The following CNTNAP5 variants were observed in gnomAD, a reference collection of about 807,000 sequenced individuals.
The protein encoded by CNTNAP5 is contactin-associated protein-like 5.
In CNTNAP5, 72 loss-of-function variants were observed where a neutral mutation model predicts 150.2. The observed-to-expected ratio is 0.48, with a 90% CI of 0.40 to 0.58. The LOEUF (loss-of-function observed/expected upper bound fraction) is 0.58, where lower values mean the gene tolerates loss of function less well. Among genes scored for constraint, CNTNAP5 ranks in the 20% least tolerant of loss-of-function variants. CNTNAP5 has a pLI of 0.00. For missense variants in CNTNAP5, 1,636 were observed against 1,626.2 expected (o/e 1.01, Z -0.10); for synonymous variants, 672 against 619.8 (o/e 1.08, Z -1.25).
Position 124,647,957 on chromosome 2 carries a change from G to C in CNTNAP5, c.2076G>C (p.Pro692=), listed in dbSNP as rs767269123. The stretch of plus-strand genomic sequence containing the variant: ...GGAGGTCCCGCCTGCTCAACACGCC[G>C]GGTAAGGCCTCTGCATGCATGACCA... ...HCRRSRLLNT[P]DGTPFTWWIG... Residue 692 remains proline (P), a splice_region_variant and synonymous_variant, in exon 13 of 24, where the codon CCG becomes CCC. Coordinates refer to ENST00000682447, the MANE Select transcript of CNTNAP5 (RefSeq NM_001367498.1). 1 of 1,593,700 alleles carries C rather than the reference G, an allele frequency of 6.3e-7. No homozygotes were observed. The highest frequency in any genetic ancestry group is 1.1e-5 in the South Asian group (1 of 88,118).
chr2:124,838,565 TTCCTAACTTACTATAAAGC>T (rs1373226574), intron 19 of CNTNAP5, among the ~76,000 whole-genome samples: 8 of 152,184 alleles, frequency 5.3e-5, no homozygotes, highest in Admixed American at 2.0e-4. Flanking sequence ...GAAGGCAACA[TTCCTAACTTACTATAAAGC>T]AATGTCTTAT....
chr2:124,088,450 A>G (rs1009856427), intron 1 of CNTNAP5, among the ~76,000 whole-genome samples: 1 of 151,642 alleles, frequency 6.6e-6, no homozygotes, highest in Non-Finnish European at 1.5e-5. Context: ...GTATGCATTT[A>G]TTGTTTTTGT....
At chr2:124,398,131 A>G (rs147897446) in intron 3 of CNTNAP5, among the ~76,000 whole-genome samples, 2 of 152,318 alleles carry the variant, frequency 1.3e-5, no homozygotes, top group African/African-American at 4.8e-5. Context: ...TCTGTATACT[A>G]TAGTTTGTGC....
intron 3 of CNTNAP5, among the ~76,000 whole-genome samples, chr2:124,311,205 C>G (rs1337547781): frequency 6.6e-6 from 1 of 152,000 alleles, no homozygotes; most frequent in Non-Finnish European, 1.5e-5. Flanking sequence ...TGTATTAATC[C>G]ACTAGGATTG....
At chr2:124,616,602 C>G (rs888088346) in intron 12 of CNTNAP5, among the ~76,000 whole-genome samples, 15 of 152,288 alleles carry the variant, frequency 9.8e-5, no homozygotes, top group African/African-American at 3.6e-4. Context: ...AGAACTTTTC[C>G]TTTGCATTCA....
intron 1 of CNTNAP5, among the ~76,000 whole-genome samples, chr2:124,122,142 A>T (rs1310527445): frequency 6.6e-6 from 1 of 152,126 alleles, no homozygotes; most frequent in Non-Finnish European, 1.5e-5. Context: ...TCTTCCTGCC[A>T]CCATTTTCTC....
intron 1 of CNTNAP5, among the ~76,000 whole-genome samples, chr2:124,096,275 T>G (rs1421280514): frequency 6.6e-6 from 1 of 152,186 alleles, no homozygotes; most frequent in African/African-American, 2.4e-5. Context: ...TTTTCATATT[T>G]TATATCTATT....
chr2:124,419,376 G>T (rs898402806), intron 4 of CNTNAP5, among the ~76,000 whole-genome samples: 9 of 152,134 alleles, frequency 5.9e-5, no homozygotes, highest in African/African-American at 2.2e-4. Flanking sequence ...ATCACAGGCT[G>T]CAGGGTTGAA....
intron 20 of CNTNAP5, among the ~76,000 whole-genome samples, chr2:124,869,024 A>G (rs1273809347): frequency 6.6e-6 from 1 of 152,046 alleles, no homozygotes; most frequent in East Asian, 1.9e-4. Flanking sequence ...GTAAGGAGGG[A>G]TCTCTAAAGG....
intron 1 of CNTNAP5, among the ~76,000 whole-genome samples, chr2:124,178,802 T>C (rs1057365059): frequency 1.3e-5 from 2 of 152,138 alleles, no homozygotes; most frequent in African/African-American, 4.8e-5. Context: ...GAACTCTAGA[T>C]AGTGTGCTCA....
intron 3 of CNTNAP5, among the ~76,000 whole-genome samples, chr2:124,295,791 G>A (rs1415503154): frequency 6.6e-6 from 1 of 152,072 alleles, no homozygotes; most frequent in Non-Finnish European, 1.5e-5. Flanking sequence ...CCAGAACTGA[G>A]GGTTCCTCCC....
At chr2:124,150,019 C>T (rs992757651) in intron 1 of CNTNAP5, among the ~76,000 whole-genome samples, 5 of 152,094 alleles carry the variant, frequency 3.3e-5, no homozygotes, top group African/African-American at 4.8e-5. Flanking sequence ...CTCTGCTTTA[C>T]TCAAAAAAAT....
intron 13 of CNTNAP5, among the ~76,000 whole-genome samples, chr2:124,666,644 A>C (rs1338868395): frequency 2.0e-5 from 3 of 151,964 alleles, no homozygotes; most frequent in Non-Finnish European, 4.4e-5. Flanking sequence ...AGGGGATCTT[A>C]GGGTTTTATT....
chr2:124,485,571 C>T (rs1693853278), intron 7 of CNTNAP5, among the ~76,000 whole-genome samples: 1 of 142,154 alleles, frequency 7.0e-6, no homozygotes. Context: ...CGAGATCACG[C>T]CACTGCACTC....
At chr2:124,591,234 C>G (rs898052508) in intron 11 of CNTNAP5, among the ~76,000 whole-genome samples, 20 of 152,004 alleles carry the variant, frequency 1.3e-4, no homozygotes, top group African/African-American at 4.8e-4. Context: ...TTTGCTTTTC[C>G]TTCACACTCC....
At chr2:124,176,275 G>A (rs966384812) in intron 1 of CNTNAP5, among the ~76,000 whole-genome samples, 1 of 152,132 alleles carries the variant, frequency 6.6e-6, no homozygotes, top group African/African-American at 2.4e-5. Context: ...TCTCATTCTG[G>A]GGGAACATGA....
At chr2:124,025,867 G>A in intron 1 of CNTNAP5, 135 bp downstream of exon 1, 1 of 759,960 alleles carries the variant, frequency 1.3e-6, no homozygotes, top group Non-Finnish European at 2.3e-6. Context: ...GATCAGTGTG[G>A]TTCCATCACT....
intron 3 of CNTNAP5, among the ~76,000 whole-genome samples, chr2:124,276,829 C>A (rs555002067): frequency 3.3e-5 from 5 of 152,144 alleles, no homozygotes; most frequent in African/African-American, 9.6e-5. Flanking sequence ...ATATTAAAAC[C>A]CAGTAACATG....
At chr2:124,621,432 G>A (rs1292097367) in intron 12 of CNTNAP5, among the ~76,000 whole-genome samples, 2 of 152,102 alleles carry the variant, frequency 1.3e-5, no homozygotes, top group African/African-American at 4.8e-5. Flanking sequence ...CAACTTACAA[G>A]TCTCCATATC....
Sources: gnomAD v4.1 joint callset for allele counts (sites outside exome capture counted in the v4.1 genomes callset) on GRCh38, gnomAD v4.1.1 for gene constraint, MANE v1.5 for transcripts, NCBI Gene and HGNC (gene_info 2026-07-23, HGNC 2026-07-21) for gene names.